The following PLEKHA1 variants were observed in gnomAD, a reference collection of about 807,000 sequenced individuals.
PLEKHA1 encodes pleckstrin homology domain-containing family A member 1.
In PLEKHA1, 34 loss-of-function variants were observed where a neutral mutation model predicts 52.0. The observed-to-expected ratio is 0.65, with a 90% CI of 0.50 to 0.87. The LOEUF (loss-of-function observed/expected upper bound fraction) is 0.87. Among genes scored for constraint, PLEKHA1 ranks in the 40% least tolerant of loss-of-function variants. The pLI is 0.00. For missense variants in PLEKHA1, 497 were observed against 504.2 expected (o/e 0.99, Z 0.14); for synonymous variants, 163 against 170.7 (o/e 0.95, Z 0.35).
downstream of PLEKHA1, chr10:122,434,745 AGT>A (rs1342363801): frequency 9.5e-6 from 1 of 105,316 alleles, no homozygotes; most frequent in African/African-American, 3.8e-5. Context: ...CAGTCCCCAG[AGT>A]GTGATGTTCC....
downstream of PLEKHA1, chr10:122,432,820 G>A (rs185954401): frequency 6.6e-6 from 1 of 152,252 alleles, no homozygotes; most frequent in Non-Finnish European, 1.5e-5. Flanking sequence ...AATATTCCAC[G>A]TCTGTTGCGG....
chr10:122,438,326 GAA>G, the PLEKHA1 span: 2 of 152,354 alleles, frequency 1.3e-5, no homozygotes, highest in African/African-American at 4.8e-5. Flanking sequence ...AGTAGGAAAA[GAA>G]AGATTGATGA....
intron 8 of PLEKHA1, chr10:122,421,065 G>A (rs1207635532): frequency 1.3e-5 from 2 of 152,182 alleles, no homozygotes; most frequent in Non-Finnish European, 2.9e-5. Flanking sequence ...CAAAGTACCT[G>A]TCTACTAAAA....
intron 2 of PLEKHA1, among the ~76,000 whole-genome samples, chr10:122,395,881 A>T (rs1363852823): frequency 6.6e-6 from 1 of 152,248 alleles, no homozygotes; most frequent in East Asian, 1.9e-4. Flanking sequence ...AGTGCATTTG[A>T]AGATATTCGA....
chr10:122,415,973 G>T lies in PLEKHA1; in HGVS notation c.583G>T (p.Ala195Ser). 6.2e-7 allele frequency: 1 copy of T among 1,613,116 alleles called. No individual in the cohort carries two copies. Among genetic ancestry groups the T allele is most frequent in the Non-Finnish European group, 8.5e-7 (1 of 1,179,564 alleles). Residue 195 changes from alanine to serine, a missense_variant, in exon 7 of 12, where the codon GCT becomes TCT. Coordinates refer to ENST00000368990, the MANE Select transcript of PLEKHA1 (RefSeq NM_001001974.4). ...KPPQDSAVIK[A>S]GYCVKQGAVM... The stretch of plus-strand genomic sequence containing the variant: ...ACCTCAAGATAGTGCGGTTATCAAA[G>T]CTGGATATTGTGTAAAACAAGGAGC...
intron 1 of PLEKHA1, chr10:122,392,975 G>A: frequency 2.5e-6 from 1 of 406,062 alleles, no homozygotes; most frequent in Non-Finnish European, 4.3e-6. Flanking sequence ...CCATCACAGT[G>A]AATAAATAGT....
chr10:122,394,132 C>T (rs963326873), intron 2 of PLEKHA1, among the ~76,000 whole-genome samples: 12 of 132,526 alleles, frequency 9.1e-5, no homozygotes, highest in East Asian at 8.7e-4. Context: ...TGGAATGCAG[C>T]GGTATGATTT....
At chr10:122,375,208 C>G (rs566388365) in intron 1 of PLEKHA1, among the ~76,000 whole-genome samples, 13 of 152,174 alleles carry the variant, frequency 8.5e-5, no homozygotes, top group Admixed American at 5.9e-4. Context: ...AGAAATCCCG[C>G]TCGGGGCGCG....
intron 1 of PLEKHA1, among the ~76,000 whole-genome samples, chr10:122,390,799 G>T (rs1294417424): frequency 7.0e-6 from 1 of 142,102 alleles, no homozygotes; most frequent in Non-Finnish European, 1.5e-5. Flanking sequence ...GTAAAACGAG[G>T]TGTGTGTGTA....
rs2097127069 is a variant in PLEKHA1 at position 122,412,906 on chromosome 10, A to G, written c.343-14A>G. The G allele has an allele frequency of 6.2e-7, 1 of 1,612,044 alleles. No homozygotes were observed. Among genetic ancestry groups the G allele is most frequent in the Non-Finnish European group, 8.5e-7 (1 of 1,178,914 alleles). On this transcript the variant is annotated splice_polypyrimidine_tract_variant and intron_variant, in intron 5 of 11. Coordinates refer to ENST00000368990, the MANE Select transcript of PLEKHA1 (RefSeq NM_001001974.4). ...TGCTGGTTGCAAAATGATTCATTTT[A>G]TTTACTATTTCAGGTACCAAAGCAG...
At chr10:122,414,012 A>G (rs2097141246) in intron 6 of PLEKHA1, among the ~76,000 whole-genome samples, 1 of 152,084 alleles carries the variant, frequency 6.6e-6, no homozygotes, top group Admixed American at 6.6e-5. Flanking sequence ...TGCTTTCTTT[A>G]TGCTTGGCAA....
chr10:122,429,811 C>T lies in PLEKHA1; in HGVS notation c.1088C>T (p.Pro363Leu). 1 of 1,614,186 alleles carries T rather than the reference C, an allele frequency of 6.2e-7. No homozygotes were observed. The change falls in exon 12 of 12, where the codon CCA (proline) becomes CTA (leucine). Residue 363 changes from proline (P) to leucine (L), a missense_variant. By Grantham distance (98) the Pro-to-Leu change is moderately conservative. Coordinates refer to ENST00000368990, the MANE Select transcript of PLEKHA1 (RefSeq NM_001001974.4). The stretch of plus-strand genomic sequence containing the variant: ...AACTTCAAGGTCCAGACTGTCTCTC[C>T]AAGAGAACCAGCTTCCAAAGTGACT... ...PGNFKVQTVS[P>L]REPASKVTEQ...
Position 122,427,023 on chromosome 10 carries a change from G to T in PLEKHA1, c.892G>T (p.Ala298Ser). Reference sequence around the variant, plus strand: ...AGCACAGCGGGGTCCCGGCAGATCTGCGTCTTCTGTAGGTTTCCTGCTCTC... The same window carrying T: ...AGCACAGCGGGGTCCCGGCAGATCTTCGTCTTCTGTAGGTTTCCTGCTCTC... ...IVAQRGPGRS[A>S]SSEHPPGPSE... Residue 298 changes from alanine to serine, a missense_variant, in exon 11 of 12, where the codon GCG becomes TCG. Transcript: ENST00000368990. 1 of 1,613,430 alleles carries T rather than the reference G, an allele frequency of 6.2e-7. No individual in the cohort carries two copies. Among genetic ancestry groups the T allele is most frequent in the Non-Finnish European group, 8.5e-7 (1 of 1,179,414 alleles).
chr10:122,426,358 AT>A (rs1247114703), intron 10 of PLEKHA1, among the ~76,000 whole-genome samples: 1 of 149,230 alleles, frequency 6.7e-6, no homozygotes. Flanking sequence ...AAACTTTTTC[AT>A]ATTTCTAGAT....
chr10:122,381,742 C>T (rs1590221159), intron 1 of PLEKHA1, among the ~76,000 whole-genome samples: 1 of 152,174 alleles, frequency 6.6e-6, no homozygotes, highest in Non-Finnish European at 1.5e-5. Context: ...CTTCAAGATA[C>T]TTTTCCTGAA....
At chr10:122,411,091 A>C (rs964078240) in intron 5 of PLEKHA1, among the ~76,000 whole-genome samples, 3 of 152,184 alleles carry the variant, frequency 2.0e-5, no homozygotes, top group African/African-American at 7.2e-5. Context: ...TCATTATTTT[A>C]TTGTCTTTAA....
At chr10:122,434,574 T>A (rs916317723), downstream of PLEKHA1, 23 of 151,842 alleles carry the variant, frequency 1.5e-4, no homozygotes, top group Non-Finnish European at 3.1e-4. Context: ...CTTTGAAAAG[T>A]ATTTTTTTTA....
At position 122,393,355 on chromosome 10, in the gene PLEKHA1, C is replaced by A; in HGVS notation, c.141+14C>A. ...GATAATCCACAGGTTTGTAAAATCC[C>A]AAGGATTATCTTTTAAAAGCACAGA... On this transcript the variant is annotated intron_variant, in intron 2 of 11. Transcript: ENST00000368990. This position sits in a 1 kb window ranked among gnomAD's most constrained non-coding sequence, Gnocchi z 4.5. 1 of 1,581,650 alleles carries A rather than the reference C, an allele frequency of 6.3e-7. No homozygotes were observed. The highest frequency in any genetic ancestry group is 8.6e-7 in the Non-Finnish European group (1 of 1,165,738).
intron 4 of PLEKHA1, among the ~76,000 whole-genome samples, chr10:122,404,477 T>A (rs2096976953): frequency 6.6e-6 from 1 of 152,226 alleles, no homozygotes; most frequent in Non-Finnish European, 1.5e-5. Flanking sequence ...ATTCTTCAGA[T>A]ATTCTGGGCA....
Sources: allele counts gnomAD v4.1 joint callset (sites outside exome capture counted in the v4.1 genomes callset), GRCh38; gene constraint gnomAD v4.1.1; non-coding constraint Gnocchi (gnomAD v3.1); transcripts MANE v1.5; gene names NCBI Gene and HGNC (gene_info 2026-07-23, HGNC 2026-07-21).